The following LDB2 variants were observed in gnomAD, a reference collection of about 807,000 sequenced individuals.
The protein encoded by LDB2 is LIM domain-binding protein 2.
In LDB2, 12 loss-of-function variants were observed where a neutral mutation model predicts 44.3. The ratio of observed to expected loss-of-function variants is 0.27; its 90% CI spans 0.17 to 0.44. LDB2 has a LOEUF of 0.44. Ranked by LOEUF, LDB2 falls within the 20% of genes least tolerant of loss-of-function variation. The pLI is 1.00. For synonymous variants in LDB2, 164 were observed against 174.8 expected (o/e 0.94, Z 0.49); for missense variants, 344 against 473.5 (o/e 0.73, Z 2.54).
At chr4:16,875,141 G>A (rs1392218816) in intron 1 of LDB2, among the ~76,000 whole-genome samples, 1 of 152,092 alleles carries the variant, frequency 6.6e-6, no homozygotes, top group Non-Finnish European at 1.5e-5. Context: ...GCCAGTCTGA[G>A]AATCAATAGC....
At chr4:16,584,535 C>A (rs1716016404) in intron 5 of LDB2, among the ~76,000 whole-genome samples, 2 of 152,220 alleles carry the variant, frequency 1.3e-5, no homozygotes, top group Admixed American at 1.3e-4. Context: ...TAATGGGGCA[C>A]AGGGTCCATT....
intron 5 of LDB2, among the ~76,000 whole-genome samples, chr4:16,515,185 C>A: frequency 6.6e-6 from 1 of 152,072 alleles, no homozygotes; most frequent in East Asian, 1.9e-4. Flanking sequence ...GAACACAAAA[C>A]CAGAAAACCA....
chr4:16,867,699 T>C (rs1715164441), intron 1 of LDB2, among the ~76,000 whole-genome samples: 1 of 152,064 alleles, frequency 6.6e-6, no homozygotes. Flanking sequence ...CAAAAGATGA[T>C]AATAGCACCA....
intron 2 of LDB2, chr4:16,750,846 A>C (rs1765349713): frequency 6.6e-6 from 1 of 152,230 alleles, no homozygotes; most frequent in Non-Finnish European, 1.5e-5. Flanking sequence ...GAAGAGTCAG[A>C]TAATGTGTTT....
Position 16,562,779 on chromosome 4 carries a change from C to T in LDB2, c.615+23143G>A, listed in dbSNP as rs539878887. 4.2e-3 allele frequency among the ~76,000 whole-genome samples: 645 copies of T among 152,142 alleles called. 2 individuals carry two copies. The highest frequency in any genetic ancestry group is 0.014 in the African/African-American group (598 of 41,504). On this transcript the variant is annotated intron_variant, in intron 5 of 7. Transcript: ENST00000304523. The stretch of plus-strand genomic sequence containing the variant: ...GACACATGCACACGTATGTTTATTG[C>T]GGCACTATTCACAATAGCAAAGACT...
chr4:16,810,484 T>C (rs1478881250), intron 1 of LDB2, among the ~76,000 whole-genome samples: 2 of 152,226 alleles, frequency 1.3e-5, no homozygotes. Context: ...TAAGGGTAGT[T>C]GTGATGGATC....
intron 1 of LDB2, among the ~76,000 whole-genome samples, chr4:16,775,636 A>G (rs1308300612): frequency 6.6e-6 from 1 of 152,190 alleles, no homozygotes; most frequent in Admixed American, 6.5e-5. Context: ...TGATCCAATT[A>G]GCCGGGTCCT....
rs183488374 is a variant in LDB2 at position 16,872,993 on chromosome 4, G to A, written c.132+25361C>T. 4.2e-4 allele frequency among the ~76,000 whole-genome samples: 64 copies of A among 152,272 alleles called. 1 individual carries two copies. Among genetic ancestry groups the A allele is most frequent in the Admixed American group, 1.6e-3 (25 of 15,302 alleles). On this transcript the variant is annotated intron_variant, in intron 1 of 7. Transcript: ENST00000304523. ...ATTGACAGCCCAGTGACAGGGGAAA[G>A]CAATCAGATAAGGAAAATGCTCACC...
chr4:16,755,719 CCTCTGATA>C (rs1368368289), intron 2 of LDB2, among the ~76,000 whole-genome samples: 3 of 152,162 alleles, frequency 2.0e-5, no homozygotes, highest in African/African-American at 7.2e-5. Flanking sequence ...GAATTGTCTA[CCTCTGATA>C]CTCTTCTTTC....
chr4:16,881,492 C>CT, intron 1 of LDB2, among the ~76,000 whole-genome samples: 1 of 152,126 alleles, frequency 6.6e-6, no homozygotes, highest in Non-Finnish European at 1.5e-5. Context: ...CTTTTTTCAT[C>CT]CAGGCTCCTG....
chr4:16,839,902 TACACACACAC>T lies in LDB2; in HGVS notation c.132+58442_132+58451del, dbSNP rs1218795697. Among the ~76,000 whole-genome samples, 4 of 152,234 alleles carry T rather than the reference TACACACACAC, an allele frequency of 2.6e-5. No homozygotes were observed. The East Asian group carries it at 7.7e-4, about 29-fold the overall frequency. ...TATAAACAGGTCTATGAATAATATG[TACACACACAC>T]ATACACACACATGCACATTTTGGGC... is the stretch of plus-strand genomic sequence containing the variant. On this transcript the variant is annotated intron_variant, in intron 1 of 7. Transcript: ENST00000304523.
chr4:16,704,498 C>A (rs1754170707), intron 2 of LDB2, among the ~76,000 whole-genome samples: 1 of 152,186 alleles, frequency 6.6e-6, no homozygotes, highest in Admixed American at 6.5e-5. Flanking sequence ...CAAAAGCAAG[C>A]CACATAAATC....
chr4:16,834,718 T>C (rs1784616473), intron 1 of LDB2, among the ~76,000 whole-genome samples: 1 of 151,420 alleles, frequency 6.6e-6, no homozygotes, highest in African/African-American at 2.4e-5. Flanking sequence ...TCCCCTCTAC[T>C]GGGGAGGCTG....
At chr4:16,808,474 G>A (rs1311976485) in intron 1 of LDB2, among the ~76,000 whole-genome samples, 1 of 152,152 alleles carries the variant, frequency 6.6e-6, no homozygotes, top group African/African-American at 2.4e-5. Context: ...TGAGGTTTTT[G>A]TTGTGTTTTG....
intron 1 of LDB2, among the ~76,000 whole-genome samples, chr4:16,801,862 A>G (rs1160514726): frequency 6.6e-6 from 1 of 152,176 alleles, no homozygotes; most frequent in East Asian, 1.9e-4. Context: ...GGAAAGAGGC[A>G]AACTAGTGAA....
At chr4:16,897,827 C>T (rs1725490344) in intron 1 of LDB2, among the ~76,000 whole-genome samples, 1 of 150,042 alleles carries the variant, frequency 6.7e-6, no homozygotes. Flanking sequence ...CTTTTTACCT[C>T]GATTTTGGTG....
At chr4:16,578,749 G>A (rs111847657) in intron 5 of LDB2, among the ~76,000 whole-genome samples, 13,519 of 152,208 alleles carry the variant, frequency 0.089, 634 homozygotes, top group African/African-American at 0.11. Context: ...CTGCACTCCT[G>A]TGTTTATTGC....
chr4:16,656,996 G>A (rs538706444), intron 2 of LDB2, among the ~76,000 whole-genome samples: 1 of 152,240 alleles, frequency 6.6e-6, no homozygotes, highest in Admixed American at 6.5e-5. Flanking sequence ...GAAAATTAAG[G>A]TAAAACAGAT....
chr4:16,674,927 T>C (rs1745874524), intron 2 of LDB2, among the ~76,000 whole-genome samples: 1 of 139,992 alleles, frequency 7.1e-6, no homozygotes, highest in Non-Finnish European at 1.6e-5. Context: ...ATCTGCTTTA[T>C]TATCTAGGAA....
Sources: gnomAD v4.1 joint callset for allele counts (sites outside exome capture counted in the v4.1 genomes callset) on GRCh38, gnomAD v4.1.1 for gene constraint, MANE v1.5 for transcripts, NCBI Gene and HGNC (gene_info 2026-07-23, HGNC 2026-07-21) for gene names.